The following ZSCAN25 variants were observed in gnomAD, a reference collection of about 807,000 sequenced individuals.
The protein encoded by ZSCAN25 is zinc finger and SCAN domain-containing protein 25.
Under a neutral mutation model 38.7 loss-of-function variants are expected in ZSCAN25, and 27 were observed. The observed-to-expected ratio is 0.70, with a 90% CI of 0.51 to 0.96. The LOEUF is 0.96. ZSCAN25 is among the 40% of genes least tolerant of loss of function. The pLI, the probability that ZSCAN25 is intolerant of heterozygous loss-of-function variation, is 0.00. For missense variants in ZSCAN25, 637 were observed against 705.9 expected (o/e 0.90, Z 1.11); for synonymous variants, 273 against 277.7 (o/e 0.98, Z 0.17).
the ZSCAN25 span, chr7:99,674,628 A>G: frequency 6.5e-7 from 1 of 1,549,010 alleles, no homozygotes; most frequent in Non-Finnish European, 8.9e-7. Flanking sequence ...TATTTTAAAT[A>G]GAATAAACCC....
chr7:99,672,445 C>T, the ZSCAN25 span: 39 of 703,876 alleles, frequency 5.5e-5, no homozygotes, highest in South Asian at 8.7e-5. Flanking sequence ...TACCACTGGG[C>T]GGGACAGGAT....
downstream of ZSCAN25, among the ~76,000 whole-genome samples, chr7:99,636,046 C>CAAA (rs780898445): frequency 2.3e-4 from 10 of 43,350 alleles, no homozygotes; most frequent in Non-Finnish European, 3.8e-4. Flanking sequence ...GACTCCATCT[C>CAAA]AAAAAAAAAA....
chr7:99,727,300 C>T, the ZSCAN25 span, among the ~76,000 whole-genome samples: 1 of 152,190 alleles, frequency 6.6e-6, no homozygotes, highest in Non-Finnish European at 1.5e-5. Flanking sequence ...GTGGCTGCCA[C>T]CACCCTAATA....
the ZSCAN25 span, among the ~76,000 whole-genome samples, chr7:99,713,808 T>A: frequency 2.6e-5 from 4 of 152,342 alleles, no homozygotes; most frequent in East Asian, 7.7e-4. Flanking sequence ...GTCCTGGGCC[T>A]TTTATTCTTC....
chr7:99,620,199 C>T (rs1806829436), intron 4 of ZSCAN25: 4 of 701,932 alleles, frequency 5.7e-6, no homozygotes, highest in Non-Finnish European at 2.3e-6. Context: ...TGCAGAAGGG[C>T]CTGAAGCCTC....
In ZSCAN25 at chr7:99,619,593, G is replaced by A. The variant is rs1806761105; in HGVS notation, c.-14G>A. ...GATGCAGTCATTCTCAGTCTCCTCG[G>A]AGGGAGTCTGAAGATGCTTAAAGAG... On this transcript the variant is annotated 5_prime_UTR_variant, in exon 4 of 8. Transcript: ENST00000394152. The A allele has an allele frequency of 1.2e-6, 2 of 1,604,950 alleles. No homozygotes were observed. Among genetic ancestry groups the A allele is most frequent in the East Asian group, 4.5e-5 (2 of 44,774 alleles).
rs1806776718 is a variant in ZSCAN25, at chr7:99,619,725, CT to C, written c.123del (p.Arg42GlyfsTer2). ...GGAAGGGAGGACCCTAGTCCAGAGA[CT>C]TTTCGGCTGAGGTTTCGGCAGTTCC... ...GRGREDPSPE[T>X]FRLRFRQFRY... is the part of the protein sequence containing the mutation. On this transcript the variant is annotated frameshift_variant, in exon 4 of 8. Transcript: ENST00000394152. LOFTEE classifies it high-confidence loss of function. 1.2e-6 allele frequency: 2 copies of C among 1,614,116 alleles called. No homozygotes were observed. Among genetic ancestry groups the C allele is most frequent in the Non-Finnish European group, 1.7e-6 (2 of 1,180,046 alleles).
the ZSCAN25 span, chr7:99,638,479 CG>C: frequency 2.0e-6 from 3 of 1,520,810 alleles, no homozygotes; most frequent in African/African-American, 4.1e-5. Context: ...CAAGCCTCAT[CG>C]GTGCGGTGGC....
the ZSCAN25 span, among the ~76,000 whole-genome samples, chr7:99,712,460 A>C: frequency 6.6e-6 from 1 of 152,224 alleles, no homozygotes; most frequent in African/African-American, 2.4e-5. Flanking sequence ...ACTTAAATAC[A>C]ACTTAAAATT....
At chr7:99,716,101 C>T in the ZSCAN25 span, among the ~76,000 whole-genome samples, 10 of 152,158 alleles carry the variant, frequency 6.6e-5, no homozygotes, top group East Asian at 1.9e-4. Flanking sequence ...GCTGGCTCTC[C>T]GCTGGGGGTG....
chr7:99,681,442 C>G, the ZSCAN25 span, among the ~76,000 whole-genome samples: 3 of 152,288 alleles, frequency 2.0e-5, no homozygotes, highest in South Asian at 4.1e-4. Context: ...TACAAGGGTT[C>G]CCTTTTCTCC....
chr7:99,660,542 T>C, the ZSCAN25 span: 1 of 1,613,866 alleles, frequency 6.2e-7, no homozygotes, highest in Non-Finnish European at 8.5e-7. Flanking sequence ...CAGTTTCTGC[T>C]GGACATCAGG....
intron 7 of ZSCAN25, among the ~76,000 whole-genome samples, chr7:99,627,089 C>T (rs746969651): frequency 2.0e-5 from 3 of 152,204 alleles, no homozygotes; most frequent in Non-Finnish European, 4.4e-5. Context: ...TCTTTATCTA[C>T]ATTCACCAAT....
the ZSCAN25 span, among the ~76,000 whole-genome samples, chr7:99,733,268 T>C: frequency 2.0e-5 from 3 of 152,194 alleles, no homozygotes; most frequent in Non-Finnish European, 4.4e-5. Context: ...GACAAACTAT[T>C]GAGTTAATGT....
chr7:99,638,160 T>C, the ZSCAN25 span: 1 of 1,281,136 alleles, frequency 7.8e-7, no homozygotes, highest in South Asian at 1.7e-5. Flanking sequence ...AAGTGGCAAT[T>C]GAAAGAGGAG....
the ZSCAN25 span, among the ~76,000 whole-genome samples, chr7:99,733,690 A>G: frequency 6.6e-6 from 1 of 152,128 alleles, no homozygotes. Context: ...GACCTCCACT[A>G]GGGGGCCAGG....
chr7:99,634,216 T>TG (rs1562975573), downstream of ZSCAN25, among the ~76,000 whole-genome samples: 3 of 152,250 alleles, frequency 2.0e-5, no homozygotes, highest in Admixed American at 6.5e-5. Flanking sequence ...AGGTCTGTCC[T>TG]GGGGAAATAT....
the ZSCAN25 span, chr7:99,708,938 G>A: frequency 7.4e-6 from 10 of 1,356,268 alleles, no homozygotes; most frequent in Non-Finnish European, 1.0e-5. Context: ...AAAAAGACAA[G>A]CAAACGATTG....
chr7:99,684,077 G>A, the ZSCAN25 span, among the ~76,000 whole-genome samples: 1 of 152,114 alleles, frequency 6.6e-6, no homozygotes, highest in Non-Finnish European at 1.5e-5. Flanking sequence ...GAAATATCAG[G>A]GGAGATGGTT....
Sources: gnomAD v4.1 joint callset for allele counts (sites outside exome capture counted in the v4.1 genomes callset) on GRCh38, gnomAD v4.1.1 for gene constraint, MANE v1.5 for transcripts, NCBI Gene and HGNC (gene_info 2026-07-23, HGNC 2026-07-21) for gene names.